The following RELN variants were observed in gnomAD, a reference collection of about 807,000 sequenced individuals.
RELN encodes the protein reelin.
A neutral mutation model predicts 427.6 loss-of-function variants in RELN; 108 were observed. That is an observed-to-expected ratio of 0.25 (90% confidence interval 0.22 to 0.30). The LOEUF is 0.30. RELN is among the 10% of genes least tolerant of loss of function. The probability of loss-of-function intolerance (pLI) is 1.00; values close to 1 mark genes in which losing one functional copy is unlikely to be tolerated. For missense variants in RELN, 3,715 were observed against 4,302.8 expected (o/e 0.86, Z 3.82); for synonymous variants, 1,524 against 1,513.4 (o/e 1.01, Z -0.16).
rs1213078437 is a variant in RELN at position 103,968,111 on chromosome 7, T to G, written c.226+21020A>C. Reference sequence around the variant, plus strand: ...AACTTGATGGCAGGAAAAACTCAACTTGTATTTCATTGATCAAACAGAATA... The same window carrying G: ...AACTTGATGGCAGGAAAAACTCAACGTGTATTTCATTGATCAAACAGAATA... On this transcript the variant is annotated intron_variant, in intron 1 of 64. Coordinates refer to ENST00000428762, the MANE Select transcript of RELN (RefSeq NM_005045.4). This position sits in a 1 kb window ranked among gnomAD's most constrained non-coding sequence, Gnocchi z 4.3. Among the ~76,000 whole-genome samples, 2 of 151,454 alleles carry G rather than the reference T, an allele frequency of 1.3e-5. No individual in the cohort carries two copies. The highest frequency in any genetic ancestry group is 4.8e-5 in the African/African-American group (2 of 41,318).
intron 27 of RELN, among the ~76,000 whole-genome samples, chr7:103,590,459 G>C (rs1480749056): frequency 6.6e-6 from 1 of 152,062 alleles, no homozygotes; most frequent in African/African-American, 2.4e-5. Flanking sequence ...TACTCGGGAG[G>C]CTGAGGCAGA....
chr7:103,762,861 G>A (rs1020497403), intron 4 of RELN, among the ~76,000 whole-genome samples: 4 of 152,158 alleles, frequency 2.6e-5, no homozygotes, highest in African/African-American at 9.6e-5. Flanking sequence ...AAGGCAGACA[G>A]CTGAACAAGA....
In RELN at chr7:103,574,315, TAGAG is replaced by T; in HGVS notation, c.4304-20_4304-17del. On this transcript the variant is annotated splice_polypyrimidine_tract_variant and intron_variant, in intron 29 of 64. Transcript: ENST00000428762. Reference sequence around the variant, plus strand: ...CCTTGTGCAGCTTCAGAAAAAGAAATAGAGAGGAGAGATGCTTTGTTGGAATCAT... The same window carrying T: ...CCTTGTGCAGCTTCAGAAAAAGAAATAGGAGAGATGCTTTGTTGGAATCAT... The T allele has an allele frequency of 2.5e-6, 4 of 1,605,648 alleles. No individual in the cohort carries two copies. Among genetic ancestry groups the T allele is most frequent in the African/African-American group, 1.3e-5 (1 of 74,808 alleles).
At chr7:103,724,519 G>A (rs1790157036) in intron 7 of RELN, among the ~76,000 whole-genome samples, 1 of 152,140 alleles carries the variant, frequency 6.6e-6, no homozygotes, top group Admixed American at 6.6e-5. Flanking sequence ...ATGTACTGAA[G>A]AGTCTTAGAT....
rs1303158960 is a variant in RELN, at chr7:103,472,753, A to G, written c.*59T>C. 1.5e-6 allele frequency: 2 copies of G among 1,322,214 alleles called. No homozygotes were observed. The highest frequency in any genetic ancestry group is 2.2e-6 in the Non-Finnish European group (2 of 916,062). 81.9% of individuals were successfully genotyped at this position (1,322,214 alleles called of 1,614,324 possible). ...TGATATCAGATGTAGTGCGAGATTT[A>G]AAAGAATGGAGAGCAACACATCACA... On this transcript the variant is annotated 3_prime_UTR_variant, in exon 65 of 65. Coordinates refer to ENST00000428762, the MANE Select transcript of RELN (RefSeq NM_005045.4).
At chr7:103,786,922 C>A (rs1407556192) in intron 3 of RELN, among the ~76,000 whole-genome samples, 1 of 152,172 alleles carries the variant, frequency 6.6e-6, no homozygotes, top group Non-Finnish European at 1.5e-5. Context: ...CCACATCACA[C>A]TTATTCTAAA....
chr7:103,547,939 G>C (rs572937517), intron 41 of RELN, among the ~76,000 whole-genome samples: 2 of 152,292 alleles, frequency 1.3e-5, no homozygotes, highest in African/African-American at 4.8e-5. Context: ...ATCTTATTTT[G>C]AAAATTTCTC....
intron 3 of RELN, among the ~76,000 whole-genome samples, chr7:103,801,422 C>T (rs1438383104): frequency 6.6e-6 from 1 of 152,150 alleles, no homozygotes; most frequent in African/African-American, 2.4e-5. Flanking sequence ...GAGTTCATGT[C>T]GTTTGCAGGG....
intron 4 of RELN, among the ~76,000 whole-genome samples, chr7:103,773,948 T>C (rs1020349023): frequency 4.6e-5 from 7 of 152,156 alleles, no homozygotes; most frequent in African/African-American, 1.4e-4. Context: ...TATCCTTATT[T>C]AGCACTGTGA....
At chr7:103,781,593 T>C (rs886506809) in intron 3 of RELN, among the ~76,000 whole-genome samples, 12 of 152,158 alleles carry the variant, frequency 7.9e-5, no homozygotes, top group Admixed American at 2.0e-4. Context: ...TGTTGTGCAA[T>C]AGATATCTTG....
intron 2 of RELN, among the ~76,000 whole-genome samples, chr7:103,866,370 C>A (rs1794197377): frequency 6.6e-6 from 1 of 152,016 alleles, no homozygotes; most frequent in African/African-American, 2.4e-5. Context: ...AGCTAAGGTG[C>A]AGTTTGAGGA....
chr7:103,833,548 A>G lies in RELN; in HGVS notation c.462T>C (p.Cys154=), dbSNP rs763130989. ...CTTTGGGTACTTACATGAAATTCACACAGCCTGTGCCCGCAGGTGGAGCAA... is the reference window on the plus strand; with the variant it reads ...CTTTGGGTACTTACATGAAATTCACGCAGCCTGTGCCCGCAGGTGGAGCAA... ...IWIAPPAGTG[C]VNFMATATHR... Residue 154 remains cysteine (C), a synonymous_variant, in exon 3 of 65, where the codon TGT becomes TGC. Coordinates refer to ENST00000428762, the MANE Select transcript of RELN (RefSeq NM_005045.4). 9.3e-6 allele frequency: 15 copies of G among 1,614,090 alleles called. No individual in the cohort carries two copies. In the South Asian group the frequency reaches 1.6e-4, roughly 18 times the overall value.
At chr7:103,954,320 TCTAGTTG>T (rs2116772049) in intron 1 of RELN, among the ~76,000 whole-genome samples, 1 of 152,310 alleles carries the variant, frequency 6.6e-6, no homozygotes, top group Non-Finnish European at 1.5e-5. Flanking sequence ...TTCTGTCTTT[TCTAGTTG>T]CTAAGTACAG....
Position 103,472,775 on chromosome 7 carries a change from C to G in RELN, c.*37G>C. Reference sequence around the variant, plus strand: ...TTTAAAAGAATGGAGAGCAACACATCACATGTTGGAAGAAAAAAAATAAAC... The same window carrying G: ...TTTAAAAGAATGGAGAGCAACACATGACATGTTGGAAGAAAAAAAATAAAC... On this transcript the variant is annotated 3_prime_UTR_variant, in exon 65 of 65. Transcript: ENST00000428762. 1 of 1,463,908 alleles carries G rather than the reference C, an allele frequency of 6.8e-7. No individual in the cohort carries two copies. The highest frequency in any genetic ancestry group is 2.3e-5 in the East Asian group (1 of 44,118). 90.7% of individuals were successfully genotyped at this position (1,463,908 alleles called of 1,614,324 possible).
chr7:103,963,220 C>A (rs1315924902), intron 1 of RELN, among the ~76,000 whole-genome samples: 1 of 150,406 alleles, frequency 6.6e-6, no homozygotes, highest in Non-Finnish European at 1.5e-5. Flanking sequence ...CCTATACAAG[C>A]CTTTTCTGGA....
intron 47 of RELN, among the ~76,000 whole-genome samples, chr7:103,522,685 A>G (rs911795550): frequency 6.6e-6 from 1 of 152,238 alleles, no homozygotes; most frequent in African/African-American, 2.4e-5. Flanking sequence ...GTGGAAGGGC[A>G]TATGAATATA....
chr7:103,503,164 C>T lies in RELN; in HGVS notation c.8341G>A (p.Asp2781Asn). The T allele has an allele frequency of 1.2e-6, 2 of 1,614,192 alleles. No individual in the cohort carries two copies. Among genetic ancestry groups the T allele is most frequent in the Non-Finnish European group, 1.7e-6 (2 of 1,180,044 alleles). Residue 2781 changes from aspartate (D) to asparagine (N), a missense_variant, in exon 52 of 65, where the codon GAC becomes AAC. Around this residue, in one of 4 missense-constraint regions of RELN, gnomAD observed 1,310 missense variants for 1,643.0 expected, o/e 0.80. Coordinates refer to ENST00000428762, the MANE Select transcript of RELN (RefSeq NM_005045.4). ...QNQIHVQYST[D>N]FGVSWNYLVP... ...AGATAATTCCAACTCACACCGAAGTCAGTAGAATACTGCACATGAATTTGA... is the reference window on the plus strand; with the variant it reads ...AGATAATTCCAACTCACACCGAAGTTAGTAGAATACTGCACATGAATTTGA...
chr7:103,567,573 C>A (rs1035312111), intron 31 of RELN, among the ~76,000 whole-genome samples: 8 of 151,920 alleles, frequency 5.3e-5, no homozygotes, highest in African/African-American at 1.9e-4. Context: ...TAAATCAGTG[C>A]CTGTATTAAG....
intron 11 of RELN, among the ~76,000 whole-genome samples, chr7:103,675,120 T>C (rs1833487036): frequency 1.3e-5 from 2 of 152,178 alleles, no homozygotes; most frequent in Non-Finnish European, 2.9e-5. Flanking sequence ...GATGACATGA[T>C]TGTATATTTA....
Sources: allele counts gnomAD v4.1 joint callset (sites outside exome capture counted in the v4.1 genomes callset), GRCh38; gene constraint gnomAD v4.1.1; regional missense constraint gnomAD v4.1.1; non-coding constraint Gnocchi (gnomAD v3.1); transcripts MANE v1.5; gene names NCBI Gene and HGNC (gene_info 2026-07-23, HGNC 2026-07-21).